The following TCFL5 variants were observed in gnomAD, a reference collection of about 807,000 sequenced individuals.
The protein encoded by TCFL5 is transcription factor-like 5 protein.
A neutral mutation model predicts 44.3 loss-of-function variants in TCFL5; 9 were observed. That is an observed-to-expected ratio of 0.20 (90% CI 0.12 to 0.35). TCFL5 has a LOEUF of 0.35. Among genes scored for constraint, TCFL5 ranks in the 10% least tolerant of loss-of-function variants. The probability of loss-of-function intolerance (pLI) is 1.00; values close to 1 mark genes in which losing one functional copy is unlikely to be tolerated. For synonymous variants in TCFL5, 319 were observed against 271.6 expected (o/e 1.17, Z -1.72); for missense variants, 603 against 613.4 (o/e 0.98, Z 0.18).
At chr20:62,846,065 A>C in intron 5 of TCFL5, 1 of 1,332,130 alleles carries the variant, frequency 7.5e-7, no homozygotes, top group East Asian at 5.0e-5. Context: ...TGCTGATTTC[A>C]TCTTCAGGAA....
intron 5 of TCFL5, among the ~76,000 whole-genome samples, chr20:62,850,018 AAG>A (rs2063787863): frequency 6.6e-6 from 1 of 152,168 alleles, no homozygotes. Flanking sequence ...GTGGCAATAA[AAG>A]AACATTTTGG....
chr20:62,860,962 G>T, intron 1 of TCFL5, 62 bp downstream of exon 1: 1 of 948,734 alleles, frequency 1.1e-6, no homozygotes, highest in Non-Finnish European at 1.2e-6. Flanking sequence ...CTCCGCCCCG[G>T]CCCCGGCCCC....
Position 62,861,537 on chromosome 20 carries a change from C to T in TCFL5, c.134G>A (p.Ser45Asn), listed in dbSNP as rs1392700229. The change falls in exon 1 of 6, where the codon AGC becomes AAC. Residue 45 changes from serine to asparagine, a missense_variant. By Grantham distance (46) the Ser-to-Asn change is conservative (BLOSUM62 1). Coordinates refer to ENST00000335351, the MANE Select transcript of TCFL5 (RefSeq NM_006602.4). This position sits in a 1 kb window ranked among gnomAD's most constrained non-coding sequence, Gnocchi z 4.0. Reference protein sequence around the residue: ...PGLSFTTTDLSLVEMTEVEYT... With the variant: ...PGLSFTTTDLNLVEMTEVEYT... ...CTCCACCTCCGTCATCTCCACCAGGCTCAGGTCGGTGGTCGTGAAGCTCAG... is the reference window on the plus strand; with the variant it reads ...CTCCACCTCCGTCATCTCCACCAGGTTCAGGTCGGTGGTCGTGAAGCTCAG... The T allele has an allele frequency of 8.6e-7, 1 of 1,162,820 alleles. No individual in the cohort carries two copies. Among genetic ancestry groups the T allele is most frequent in the Non-Finnish European group, 1.1e-6 (1 of 928,732 alleles). The allele number at this position is 1,162,820 out of a possible 1,614,324, so 72.0% of individuals were successfully genotyped here.
At chr20:62,844,235 ATTTTGC>A (rs947494175) in intron 5 of TCFL5, among the ~76,000 whole-genome samples, 20 of 152,126 alleles carry the variant, frequency 1.3e-4, no homozygotes, top group African/African-American at 4.3e-4. Context: ...AACACTTGCT[ATTTTGC>A]TTTTGTTTTT....
Position 62,857,526 on chromosome 20 carries a change from G to T in TCFL5, c.1107C>A (p.Ala369=). ...ACTGCCAAGCGCCTTGTGTGGCGGT[G>T]GCACCTTCGCCCACATTCTGAATCT... ...LGEIQNVGEG[A]TATQGAWQSS... is the part of the protein sequence containing the mutation. Residue 369 remains alanine (A), a synonymous_variant, in exon 4 of 6, where the codon GCC becomes GCA. Coordinates refer to ENST00000335351, the MANE Select transcript of TCFL5 (RefSeq NM_006602.4). 1.2e-6 allele frequency: 2 copies of T among 1,614,208 alleles called. No individual in the cohort carries two copies. Among genetic ancestry groups the T allele is most frequent in the Non-Finnish European group, 1.7e-6 (2 of 1,180,048 alleles).
chr20:62,849,190 G>C (rs1372298662), intron 5 of TCFL5, among the ~76,000 whole-genome samples: 1 of 151,792 alleles, frequency 6.6e-6, no homozygotes, highest in African/African-American at 2.4e-5. Flanking sequence ...AAGTATTTAA[G>C]TATAAAGAAG....
intron 4 of TCFL5, among the ~76,000 whole-genome samples, chr20:62,855,398 A>G (rs1471063948): frequency 1.3e-5 from 2 of 152,188 alleles, no homozygotes; most frequent in South Asian, 4.1e-4. Flanking sequence ...CCTGGGCTCA[A>G]GCAATCCTCC....
chr20:62,850,535 C>T (rs1444507398), intron 5 of TCFL5, among the ~76,000 whole-genome samples: 5 of 152,148 alleles, frequency 3.3e-5, no homozygotes, highest in African/African-American at 9.7e-5. Context: ...TCCTCCCCAG[C>T]GCCGCCCCCT....
intron 5 of TCFL5, among the ~76,000 whole-genome samples, chr20:62,844,625 T>C (rs1236940292): frequency 6.7e-6 from 1 of 149,626 alleles, no homozygotes; most frequent in African/African-American, 2.5e-5. Context: ...TCACCCAGGC[T>C]GGAGTGCAAC....
In TCFL5 at chr20:62,861,583, C is replaced by G. The variant is rs749647116; in HGVS notation, c.88G>C (p.Ala30Pro). ...CTCAGCCCCGGCTCGCCCAGCGCCGCGTCCCCGCCGCCCGCGCCCTCGACG... is the reference window on the plus strand; with the variant it reads ...CTCAGCCCCGGCTCGCCCAGCGCCGGGTCCCCGCCGCCCGCGCCCTCGACG... ...AAVEGAGGGD[A>P]ALGEPGLSFT... Residue 30 changes from alanine (A) to proline (P), a missense_variant, in exon 1 of 6, where the codon GCG (alanine) becomes CCG (proline). Physicochemically the swap from Ala to Pro is conservative, Grantham distance 27 (BLOSUM62 -1). Transcript: ENST00000335351. This position sits in a 1 kb window ranked among gnomAD's most constrained non-coding sequence, Gnocchi z 4.0. 1 of 1,075,262 alleles carries G rather than the reference C, an allele frequency of 9.3e-7. No homozygotes were observed. Among genetic ancestry groups the G allele is most frequent in the South Asian group, 3.8e-5 (1 of 26,172 alleles). The allele number at this position is 1,075,262 out of a possible 1,614,324, so 66.6% of individuals were successfully genotyped here.
chr20:62,856,611 C>T (rs934709273), intron 4 of TCFL5, among the ~76,000 whole-genome samples: 1 of 146,720 alleles, frequency 6.8e-6, no homozygotes, highest in African/African-American at 2.5e-5. Flanking sequence ...GAGGCTGAGG[C>T]AGGAGAACGG....
At chr20:62,843,003 G>A (rs181165434) in intron 5 of TCFL5, among the ~76,000 whole-genome samples, 2 of 152,272 alleles carry the variant, frequency 1.3e-5, no homozygotes, top group African/African-American at 4.8e-5. Context: ...CAATTATAAT[G>A]GTGGGGTCAG....
At chr20:62,848,660 T>C (rs2063773379) in intron 5 of TCFL5, among the ~76,000 whole-genome samples, 1 of 151,266 alleles carries the variant, frequency 6.6e-6, no homozygotes, top group South Asian at 2.1e-4. Context: ...ATCGCTTGAA[T>C]CCAGGAGGCG....
chr20:62,845,078 A>G (rs2063724001), intron 5 of TCFL5: 5 of 983,784 alleles, frequency 5.1e-6, no homozygotes, highest in Non-Finnish European at 6.0e-6. Context: ...TACTGTGTGC[A>G]CTCAGAATCT....
intron 5 of TCFL5, among the ~76,000 whole-genome samples, chr20:62,850,171 A>T (rs1162314687): frequency 6.6e-6 from 1 of 152,176 alleles, no homozygotes; most frequent in Non-Finnish European, 1.5e-5. Flanking sequence ...GTTCGTGTCT[A>T]TAATTGTCTT....
At chr20:62,849,535 G>A (rs1322642348) in intron 5 of TCFL5, among the ~76,000 whole-genome samples, 3 of 151,904 alleles carry the variant, frequency 2.0e-5, no homozygotes, top group Non-Finnish European at 1.5e-5. Flanking sequence ...GCTGGGTGCT[G>A]GACTGTGGAA....
rs528240740 is a variant in TCFL5, at chr20:62,852,008, G to A, written c.1380+2008C>T. ...TTAATAGAGACGGGGGTCTCATCAT[G>A]TTGGCCAAGCTGGTCTCGAACTCCT... On this transcript the variant is annotated intron_variant, in intron 5 of 5. Coordinates refer to ENST00000335351, the MANE Select transcript of TCFL5 (RefSeq NM_006602.4). 3.4e-5 allele frequency: 31 copies of A among 922,428 alleles called. No homozygotes were observed. The East Asian group carries it at 3.4e-3, about 102-fold the overall frequency. 57.1% of individuals were successfully genotyped at this position (922,428 alleles called of 1,614,324 possible).
At chr20:62,852,417 G>A in intron 5 of TCFL5, 1 of 985,460 alleles carries the variant, frequency 1.0e-6, no homozygotes. Context: ...CCCAAGGCAG[G>A]GCCCAGAACC....
At chr20:62,845,398 C>T (rs1002418582) in intron 5 of TCFL5, 20 of 1,203,904 alleles carry the variant, frequency 1.7e-5, no homozygotes, top group Non-Finnish European at 2.1e-5. Context: ...GCTGGGATTA[C>T]AGGCGTGAGC....
Sources: allele counts gnomAD v4.1 joint callset (sites outside exome capture counted in the v4.1 genomes callset), GRCh38; gene constraint gnomAD v4.1.1; non-coding constraint Gnocchi (gnomAD v3.1); transcripts MANE v1.5; gene names NCBI Gene and HGNC (gene_info 2026-07-23, HGNC 2026-07-21).